TJP3: variants seen among roughly 807,000 people sequenced by gnomAD.
The protein encoded by TJP3 is tight junction protein ZO-3.
A neutral mutation model predicts 104.2 loss-of-function variants in TJP3; 85 were observed. The ratio of observed to expected loss-of-function variants is 0.82; its 90% CI spans 0.68 to 0.98. The LOEUF is 0.98. Among genes scored for constraint, TJP3 ranks in the 50% least tolerant of loss-of-function variants. The pLI, the probability that TJP3 is intolerant of heterozygous loss-of-function variation, is 0.00. For missense variants in TJP3, 1,367 were observed against 1,322.8 expected, an observed-to-expected ratio of 1.03 and a Z score of -0.52; for synonymous variants, 550 against 550.6, an observed-to-expected ratio of 1.00 and a Z score of 0.02.
chr19:3,726,209 A>G (rs993059595), intron 1 of TJP3, among the ~76,000 whole-genome samples: 1 of 152,154 alleles, frequency 6.6e-6, no homozygotes, highest in African/African-American at 2.4e-5. Flanking sequence ...GGAGCAGGGC[A>G]TGGTGCGTGC....
chr19:3,749,266 C>T (rs979836549), intron 19 of TJP3, among the ~76,000 whole-genome samples: 16 of 152,302 alleles, frequency 1.1e-4, no homozygotes, highest in African/African-American at 3.4e-4. Flanking sequence ...GGTGAGCACT[C>T]AATGTGCTCA....
chr19:3,745,440 G>A lies in TJP3; in HGVS notation c.1940-571G>A, dbSNP rs561864295. On this transcript the variant is annotated intron_variant, in intron 15 of 20. Coordinates refer to ENST00000541714, the MANE Select transcript of TJP3 (RefSeq NM_001267560.2). ...ACTACAGGCATGAGCCACTGTGCCC[G>A]GCCAATTTTACGTTTTTAACCACAA... 7.9e-5 allele frequency among the ~76,000 whole-genome samples: 12 copies of A among 152,158 alleles called. No individual in the cohort carries two copies. In the South Asian group the frequency reaches 1.7e-3, roughly 21 times the overall value.
intron 1 of TJP3, chr19:3,721,723 A>C: frequency 2.8e-5 from 10 of 362,694 alleles, no homozygotes; most frequent in Non-Finnish European, 3.9e-5. Flanking sequence ...TGGAGGAGGA[A>C]GAGGGGCAGG....
chr19:3,738,744 T>A, intron 12 of TJP3, 81 bp downstream of exon 12: 15 of 1,385,530 alleles, frequency 1.1e-5, no homozygotes, highest in Non-Finnish European at 1.5e-5. Context: ...AGTGCAGGGA[T>A]GTGGTTGAAT....
At chr19:3,743,080 A>G (rs2036844302) in intron 14 of TJP3, among the ~76,000 whole-genome samples, 1 of 151,044 alleles carries the variant, frequency 6.6e-6, no homozygotes, top group Middle Eastern at 3.3e-3. Context: ...CTTGACCAAC[A>G]TGGTGAAACC....
chr19:3,733,815 A>T lies in TJP3; in HGVS notation c.780A>T (p.Ser260=). ...LNDTRRLIEK[S]EGKLSLLVLR... ...ACACCCGGCGACTGATTGAGAAGTC[A>T]GAAGGGAAGCTAAGCCTGCTGGTGC... Residue 260 remains serine, a synonymous_variant, in exon 7 of 21, where the codon TCA becomes TCT. Coordinates refer to ENST00000541714, the MANE Select transcript of TJP3 (RefSeq NM_001267560.2). 1 of 1,614,228 alleles carries T rather than the reference A, an allele frequency of 6.2e-7. No individual in the cohort carries two copies. Among genetic ancestry groups the T allele is most frequent in the Non-Finnish European group, 8.5e-7 (1 of 1,180,030 alleles).
chr19:3,729,338 TCAGCC>T (rs1268621026), intron 3 of TJP3, among the ~76,000 whole-genome samples: 1 of 152,068 alleles, frequency 6.6e-6, no homozygotes, highest in Non-Finnish European at 1.5e-5. Flanking sequence ...GTGATATGGC[TCAGCC>T]CAGCCCAGAA....
chr19:3,714,350 T>C (rs2036458585), intron 1 of TJP3, among the ~76,000 whole-genome samples: 1 of 151,590 alleles, frequency 6.6e-6, no homozygotes, highest in South Asian at 2.1e-4. Context: ...TGGCTAATTT[T>C]AGTATTTTTA....
chr19:3,743,061 C>A (rs555406958), intron 14 of TJP3, among the ~76,000 whole-genome samples: 6 of 151,858 alleles, frequency 4.0e-5, no homozygotes, highest in South Asian at 4.2e-4. Flanking sequence ...GTCAGGAGTT[C>A]GAGATCAGCT....
intron 14 of TJP3, among the ~76,000 whole-genome samples, chr19:3,741,942 C>T (rs571958074): frequency 1.3e-5 from 2 of 152,100 alleles, no homozygotes; most frequent in South Asian, 4.1e-4. Context: ...TGCACTCCAG[C>T]CTGGGCAACA....
intron 14 of TJP3, among the ~76,000 whole-genome samples, chr19:3,741,015 T>A (rs1294742869): frequency 2.6e-5 from 4 of 152,072 alleles, no homozygotes; most frequent in Non-Finnish European, 5.9e-5. Context: ...TTTTTATTTT[T>A]ATTTTTAGAC....
chr19:3,728,678 C>A lies in TJP3; in HGVS notation c.123C>A (p.Asp41Glu). ...DRPGGSMVVS[D>E]VVPGGPAEGR... ...CCGGTGGATCCATGGTTGTATCTGA[C>A]GTGGTACCTGGAGGGCCGGCGGAGG... Residue 41 changes from aspartate (D) to glutamate (E), a missense_variant, in exon 3 of 21, where the codon GAC becomes GAA. Transcript: ENST00000541714. The A allele has an allele frequency of 6.2e-7, 1 of 1,613,790 alleles. No homozygotes were observed. The highest frequency in any genetic ancestry group is 1.7e-4 in the Middle Eastern group (1 of 6,058).
Position 3,746,349 on chromosome 19 carries a change from C to A in TJP3, c.2011-136C>A. 1 of 975,332 alleles carries A rather than the reference C, an allele frequency of 1.0e-6. No individual in the cohort carries two copies. Among genetic ancestry groups the A allele is most frequent in the Non-Finnish European group, 1.5e-6 (1 of 661,242 alleles). The allele number at this position is 975,332 out of a possible 1,614,324, so 60.4% of individuals were successfully genotyped here. ...CTGCGACCTGGGCTGTTACCACCCC[C>A]ATCCCCAACTTGCTAGCCTGTGGAT... On this transcript the variant is annotated intron_variant, in intron 16 of 20. Transcript: ENST00000541714. The surrounding 1 kb of genome is among the most constrained non-coding windows in gnomAD (Gnocchi z 4.1).
In TJP3 at chr19:3,746,802, G is replaced by C; in HGVS notation, c.2248G>C (p.Asp750His). Residue 750 changes from aspartate (D) to histidine (H), a missense_variant, in exon 18 of 21, where the codon GAC becomes CAC. By Grantham distance (81) the Asp-to-His change is moderately conservative. Coordinates refer to ENST00000541714, the MANE Select transcript of TJP3 (RefSeq NM_001267560.2). The surrounding 1 kb of genome is among the most constrained non-coding windows in gnomAD (Gnocchi z 4.1). The stretch of plus-strand genomic sequence containing the variant: ...CACCATCCCTCTGAATGGCACGAGT[G>C]ACACCTGGTACCAGGAGCTCAAGGC... ...TATIPLNGTS[D>H]TWYQELKAII... 3 of 1,611,302 alleles carry C rather than the reference G, an allele frequency of 1.9e-6. No individual in the cohort carries two copies. The highest frequency in any genetic ancestry group is 2.5e-6 in the Non-Finnish European group (3 of 1,178,834).
chr19:3,718,308 C>T (rs2145667929), intron 1 of TJP3, among the ~76,000 whole-genome samples: 1 of 147,568 alleles, frequency 6.8e-6, no homozygotes, highest in East Asian at 2.0e-4. Context: ...GCTGGTCTCT[C>T]CTGGCCTCAA....
At chr19:3,723,517 C>T (rs985354057) in intron 1 of TJP3, among the ~76,000 whole-genome samples, 42 of 152,024 alleles carry the variant, frequency 2.8e-4, no homozygotes, top group Non-Finnish European at 1.3e-4. Flanking sequence ...ACAGGCTGGG[C>T]GTGGTGGCTC....
At chr19:3,714,984 C>A (rs1157127885) in intron 1 of TJP3, among the ~76,000 whole-genome samples, 1 of 152,182 alleles carries the variant, frequency 6.6e-6, no homozygotes, top group Non-Finnish European at 1.5e-5. Context: ...AAGTAGATTG[C>A]TGAAAAGCAG....
chr19:3,729,481 G>T (rs1038857115), intron 3 of TJP3, among the ~76,000 whole-genome samples: 1 of 152,038 alleles, frequency 6.6e-6, no homozygotes, highest in Non-Finnish European at 1.5e-5. Context: ...AAGATGCCAG[G>T]TGTAGCTGTA....
intron 1 of TJP3, among the ~76,000 whole-genome samples, chr19:3,715,189 A>G (rs1468238218): frequency 4.0e-5 from 6 of 150,642 alleles, no homozygotes; most frequent in Non-Finnish European, 7.4e-5. Context: ...TCCCGGGTTC[A>G]CGCCATTCTC....
Sources: allele counts gnomAD v4.1 joint callset (sites outside exome capture counted in the v4.1 genomes callset), GRCh38; gene constraint gnomAD v4.1.1; non-coding constraint Gnocchi (gnomAD v3.1); transcripts MANE v1.5; gene names NCBI Gene and HGNC (gene_info 2026-07-23, HGNC 2026-07-21).